PCDH15: variants seen among roughly 807,000 people sequenced by gnomAD.
PCDH15 encodes the protein protocadherin-15.
In PCDH15, 129 loss-of-function variants were observed where a neutral mutation model predicts 178.5. The observed-to-expected ratio is 0.72, with a 90% CI of 0.63 to 0.84. The LOEUF is 0.84. Among genes scored for constraint, PCDH15 ranks in the 40% least tolerant of loss-of-function variants. The pLI, the probability that PCDH15 is intolerant of heterozygous loss-of-function variation, is 0.00. For synonymous variants in PCDH15, 800 were observed against 732.0 expected, an observed-to-expected ratio of 1.09 and a Z score of -1.50; for missense variants, 2,230 against 2,099.9, an observed-to-expected ratio of 1.06 and a Z score of -1.21.
intron 2 of PCDH15, among the ~76,000 whole-genome samples, chr10:54,636,941 T>A (rs1050211081): frequency 6.6e-6 from 1 of 151,944 alleles, no homozygotes; most frequent in Non-Finnish European, 1.5e-5. Context: ...ATACTCATGA[T>A]GTAATATAAG....
intron 35 of PCDH15, among the ~76,000 whole-genome samples, chr10:53,814,132 C>G (rs79521929): frequency 0.035 from 5,308 of 152,128 alleles, 312 homozygotes; most frequent in African/African-American, 0.12. Context: ...ATGTAAAACT[C>G]AGTGTAATGA....
intron 10 of PCDH15, among the ~76,000 whole-genome samples, chr10:54,212,549 G>A (rs1201683303): frequency 6.6e-6 from 1 of 151,974 alleles, no homozygotes; most frequent in Non-Finnish European, 1.5e-5. Context: ...TTAGCTTGGG[G>A]TGATCTCCAG....
chr10:55,523,697 C>T (rs1246026954), intron 2 of PCDH15, among the ~76,000 whole-genome samples: 1 of 151,586 alleles, frequency 6.6e-6, no homozygotes, highest in Non-Finnish European at 1.5e-5. Context: ...ATCTCTATTT[C>T]CATGAGTTCA....
At chr10:54,408,567 G>A (rs934173872) in intron 3 of PCDH15, among the ~76,000 whole-genome samples, 1 of 152,142 alleles carries the variant, frequency 6.6e-6, no homozygotes, top group Non-Finnish European at 1.5e-5. Context: ...TGTGACAAGT[G>A]TAGCAGATGC....
At chr10:55,475,731 A>G (rs758883706) in intron 2 of PCDH15, among the ~76,000 whole-genome samples, 9 of 152,152 alleles carry the variant, frequency 5.9e-5, no homozygotes, top group Non-Finnish European at 1.0e-4. Flanking sequence ...GTATATGCAA[A>G]TATGCCAAAT....
chr10:55,350,268 TACACACACAC>T (rs766450240), intron 2 of PCDH15, among the ~76,000 whole-genome samples: 1 of 56,768 alleles, frequency 1.8e-5, no homozygotes, highest in Non-Finnish European at 3.2e-5. Flanking sequence ...TATATATATA[TACACACACAC>T]ACACACACAT....
At chr10:54,451,435 C>T (rs1409496568) in intron 3 of PCDH15, among the ~76,000 whole-genome samples, 1 of 151,864 alleles carries the variant, frequency 6.6e-6, no homozygotes, top group South Asian at 2.1e-4. Context: ...TTTATGAATT[C>T]TGGTCAAATC....
intron 28 of PCDH15, among the ~76,000 whole-genome samples, chr10:53,855,151 A>G (rs2078639836): frequency 6.6e-6 from 1 of 152,106 alleles, no homozygotes; most frequent in African/African-American, 2.4e-5. Flanking sequence ...GAAATAAAAC[A>G]CAAGTCTCAT....
At chr10:54,499,449 A>G (rs2080433212) in intron 3 of PCDH15, among the ~76,000 whole-genome samples, 1 of 152,156 alleles carries the variant, frequency 6.6e-6, no homozygotes, top group Admixed American at 6.6e-5. Flanking sequence ...AAATTCAAAA[A>G]AAGCAAAATT....
chr10:54,432,408 A>G (rs994089398), intron 3 of PCDH15, among the ~76,000 whole-genome samples: 1 of 152,142 alleles, frequency 6.6e-6, no homozygotes, highest in Admixed American at 6.6e-5. Flanking sequence ...AGAATAGAGA[A>G]CCCAGAAACA....
chr10:53,896,828 A>G (rs985253327), intron 26 of PCDH15, among the ~76,000 whole-genome samples: 26 of 152,172 alleles, frequency 1.7e-4, no homozygotes, highest in African/African-American at 6.3e-4. Context: ...CTAATGCCTG[A>G]TGATCTGTCA....
chr10:54,651,051 T>C (rs1341169006), intron 2 of PCDH15, among the ~76,000 whole-genome samples: 1 of 151,970 alleles, frequency 6.6e-6, no homozygotes, highest in Non-Finnish European at 1.5e-5. Flanking sequence ...CAAGAATAAC[T>C]TCTAGGAAGG....
intron 2 of PCDH15, among the ~76,000 whole-genome samples, chr10:55,338,859 A>C (rs975313219): frequency 6.6e-6 from 1 of 152,160 alleles, no homozygotes; most frequent in Non-Finnish European, 1.5e-5. Context: ...ACATTATGTT[A>C]AGGGATGTAA....
At chr10:53,826,204 T>C (rs1257972955) in intron 32 of PCDH15, among the ~76,000 whole-genome samples, 1 of 151,960 alleles carries the variant, frequency 6.6e-6, no homozygotes, top group Non-Finnish European at 1.5e-5. Context: ...ATCTAAAGCA[T>C]GAACCCTGTA....
rs141044817 is a variant in PCDH15 at position 55,022,347 on chromosome 10, G to T, written c.-79-124847C>A. The stretch of plus-strand genomic sequence containing the variant: ...CACTCCTGAAATCCCAGTTAATCGG[G>T]AGGCAGAGGTAGAAGAATCACTTGA... On this transcript the variant is annotated intron_variant, in intron 2 of 5. Coordinates refer to the PCDH15 transcript ENST00000458638. 1.5e-3 allele frequency among the ~76,000 whole-genome samples: 226 copies of T among 151,018 alleles called. 1 individual carries two copies. The highest frequency in any genetic ancestry group is 2.6e-3 in the Non-Finnish European group (177 of 67,872).
intron 2 of PCDH15, among the ~76,000 whole-genome samples, chr10:55,442,689 T>C (rs1355036660): frequency 6.6e-6 from 1 of 151,520 alleles, no homozygotes; most frequent in Non-Finnish European, 1.5e-5. Context: ...TTAATCTATT[T>C]ATTTATGTAG....
At chr10:54,970,689 A>G (rs1370552553) in intron 2 of PCDH15, among the ~76,000 whole-genome samples, 2 of 152,086 alleles carry the variant, frequency 1.3e-5, no homozygotes, top group Admixed American at 6.5e-5. Context: ...ATCCTGCTCC[A>G]TGTTCCATCC....
chr10:54,115,581 C>T (rs997694247), intron 15 of PCDH15, among the ~76,000 whole-genome samples: 1 of 152,140 alleles, frequency 6.6e-6, no homozygotes, highest in African/African-American at 2.4e-5. Context: ...ATATAAACAG[C>T]CTATCTCCTT....
intron 1 of PCDH15, among the ~76,000 whole-genome samples, chr10:54,758,055 A>C (rs1947393705): frequency 6.6e-6 from 1 of 152,228 alleles, no homozygotes; most frequent in South Asian, 2.1e-4. Context: ...ATAAGAATAT[A>C]CACGAAAAAG....
Sources: allele counts gnomAD v4.1 joint callset (sites outside exome capture counted in the v4.1 genomes callset), GRCh38; gene constraint gnomAD v4.1.1; transcripts MANE v1.5; gene names NCBI Gene and HGNC (gene_info 2026-07-23, HGNC 2026-07-21).